The following FCHSD2 variants were observed in gnomAD, a reference collection of about 807,000 sequenced individuals.
The protein encoded by FCHSD2 is FCH and double SH3 domains 2.
A neutral mutation model predicts 108.1 loss-of-function variants in FCHSD2; 38 were observed. The ratio of observed to expected loss-of-function variants is 0.35; its 90% CI spans 0.27 to 0.46. FCHSD2 has a LOEUF of 0.46. Among genes scored for constraint, FCHSD2 ranks in the 20% least tolerant of loss-of-function variants. The probability of loss-of-function intolerance (pLI) is 1.00; values close to 1 mark genes in which losing one functional copy is unlikely to be tolerated. For synonymous variants in FCHSD2, 279 were observed against 314.7 expected, an observed-to-expected ratio of 0.89 and a Z score of 1.20; for missense variants, 751 against 897.8, an observed-to-expected ratio of 0.84 and a Z score of 2.09.
chr11:72,856,869 A>G (rs1861441296), intron 13 of FCHSD2, among the ~76,000 whole-genome samples: 2 of 152,216 alleles, frequency 1.3e-5, no homozygotes, highest in Admixed American at 1.3e-4. Flanking sequence ...CTTGAAATGT[A>G]TTATATATAC....
At chr11:72,907,875 G>A (rs1179892481) in intron 9 of FCHSD2, among the ~76,000 whole-genome samples, 1 of 152,068 alleles carries the variant, frequency 6.6e-6, no homozygotes, top group Non-Finnish European at 1.5e-5. Flanking sequence ...TTACAGGCGT[G>A]AGCCACCATG....
chr11:72,998,307 A>G (rs1184390965), intron 5 of FCHSD2, among the ~76,000 whole-genome samples: 2 of 152,184 alleles, frequency 1.3e-5, no homozygotes, highest in South Asian at 2.1e-4. Flanking sequence ...TTGGAGGCTG[A>G]GGCAGGCAGA....
intron 8 of FCHSD2, among the ~76,000 whole-genome samples, chr11:72,965,990 C>T (rs1856899013): frequency 6.6e-6 from 1 of 152,080 alleles, no homozygotes; most frequent in South Asian, 2.1e-4. Context: ...ATTCTATTCA[C>T]ATAAAGTAAC....
At chr11:73,038,492 T>C (rs1178348530) in intron 3 of FCHSD2, among the ~76,000 whole-genome samples, 1 of 152,150 alleles carries the variant, frequency 6.6e-6, no homozygotes, top group Non-Finnish European at 1.5e-5. Flanking sequence ...CTGTGGTACA[T>C]ATACAGCGTG....
At chr11:73,080,752 T>G (rs922811814) in intron 3 of FCHSD2, among the ~76,000 whole-genome samples, 3 of 152,080 alleles carry the variant, frequency 2.0e-5, no homozygotes, top group African/African-American at 7.2e-5. Context: ...AAAACCAGCC[T>G]GGACAACATT....
At chr11:72,939,305 G>T (rs1016558878) in intron 8 of FCHSD2, among the ~76,000 whole-genome samples, 2 of 152,118 alleles carry the variant, frequency 1.3e-5, no homozygotes, top group African/African-American at 4.8e-5. Context: ...CCTAAAAATT[G>T]TAACTAAGCA....
chr11:72,855,432 T>C (rs1044947234), intron 13 of FCHSD2, among the ~76,000 whole-genome samples: 1 of 152,026 alleles, frequency 6.6e-6, no homozygotes, highest in African/African-American at 2.4e-5. Flanking sequence ...GCCAAGATCA[T>C]GCCACTGTAC....
chr11:72,899,025 G>A (rs940394361), intron 10 of FCHSD2, among the ~76,000 whole-genome samples: 1 of 152,088 alleles, frequency 6.6e-6, no homozygotes, highest in Admixed American at 6.5e-5. Context: ...GATTACAGGC[G>A]TAAGCCTCTG....
At chr11:72,861,655 C>T (rs374777469) in intron 13 of FCHSD2, among the ~76,000 whole-genome samples, 35 of 152,118 alleles carry the variant, frequency 2.3e-4, no homozygotes, top group African/African-American at 8.0e-4. Context: ...ATAGGCCGGG[C>T]GCGCTGGCTC....
intron 8 of FCHSD2, among the ~76,000 whole-genome samples, chr11:72,925,498 C>G (rs1186929428): frequency 2.0e-5 from 3 of 152,118 alleles, no homozygotes; most frequent in African/African-American, 7.2e-5. Context: ...TGCACCCCAG[C>G]CTGGGCAACA....
At chr11:73,093,768 A>AT (rs1025636782) in intron 2 of FCHSD2, among the ~76,000 whole-genome samples, 135 of 151,232 alleles carry the variant, frequency 8.9e-4, no homozygotes, top group African/African-American at 3.0e-3. Flanking sequence ...TGCCGAGCTA[A>AT]TTTTTTTTGT....
chr11:73,081,990 G>A (rs534525978), intron 3 of FCHSD2, among the ~76,000 whole-genome samples: 1 of 151,742 alleles, frequency 6.6e-6, no homozygotes, highest in African/African-American at 2.4e-5. Flanking sequence ...ATCACCTAAG[G>A]TCAGCAGTTC....
At chr11:72,931,065 T>C (rs1053365831) in intron 8 of FCHSD2, among the ~76,000 whole-genome samples, 4 of 150,352 alleles carry the variant, frequency 2.7e-5, no homozygotes, top group Non-Finnish European at 4.4e-5. Flanking sequence ...TATATATATA[T>C]ATATACCTAC....
intron 8 of FCHSD2, chr11:72,983,738 G>A (rs565268454): frequency 1.0e-4 from 44 of 427,448 alleles, no homozygotes; most frequent in Admixed American, 7.6e-4. Flanking sequence ...ACCATGACAT[G>A]AGTCTCATAA....
chr11:73,126,901 C>T (rs1275013532), intron 2 of FCHSD2, among the ~76,000 whole-genome samples: 4 of 152,016 alleles, frequency 2.6e-5, no homozygotes, highest in African/African-American at 4.8e-5. Context: ...TGCCGAGCAT[C>T]GTGTTGCACA....
At chr11:73,010,398 A>T (rs183087190) in intron 4 of FCHSD2, among the ~76,000 whole-genome samples, 72 of 152,028 alleles carry the variant, frequency 4.7e-4, no homozygotes, top group Admixed American at 1.3e-3. Flanking sequence ...GGATTTTGTA[A>T]ATTTGTTTTT....
chr11:73,018,455 T>C (rs1486707681), intron 3 of FCHSD2, among the ~76,000 whole-genome samples: 2 of 152,156 alleles, frequency 1.3e-5, no homozygotes, highest in Non-Finnish European at 2.9e-5. Context: ...TCATACACTG[T>C]TACTGTCTGG....
At chr11:72,946,968 T>C (rs1856532468) in intron 8 of FCHSD2, among the ~76,000 whole-genome samples, 1 of 152,178 alleles carries the variant, frequency 6.6e-6, no homozygotes, top group Non-Finnish European at 1.5e-5. Context: ...TTTGCAGCCA[T>C]CTATGCAATA....
At chr11:73,000,523 C>T (rs897508515) in intron 5 of FCHSD2, among the ~76,000 whole-genome samples, 5 of 152,050 alleles carry the variant, frequency 3.3e-5, no homozygotes, top group African/African-American at 9.7e-5. Context: ...AGTTTAGAGT[C>T]CATCAGGTTT....
Sources: allele counts gnomAD v4.1 joint callset (sites outside exome capture counted in the v4.1 genomes callset), GRCh38; gene constraint gnomAD v4.1.1; transcripts MANE v1.5; gene names NCBI Gene and HGNC (gene_info 2026-07-23, HGNC 2026-07-21).